Variants in R3HDM2 observed in about 807,000 individuals in gnomAD.
R3HDM2 encodes the protein R3H domain containing 2, also known as R3H domain-containing protein 2.
R3HDM2 carries 38 observed loss-of-function variants against 124.5 expected under a neutral mutation model. The observed-to-expected ratio is 0.31, with a 90% CI of 0.24 to 0.40. The LOEUF is 0.40. Ranked by LOEUF, R3HDM2 falls within the 10% of genes least tolerant of loss-of-function variation. The pLI is 1.00. For synonymous variants in R3HDM2, 391 were observed against 448.0 expected (o/e 0.87, Z 1.61); for missense variants, 869 against 1,236.9 (o/e 0.70, Z 4.46).
chr12:57,383,701 C>A (rs1434515157), intron 2 of R3HDM2, among the ~76,000 whole-genome samples: 2 of 152,058 alleles, frequency 1.3e-5, no homozygotes, highest in Non-Finnish European at 2.9e-5. Flanking sequence ...GACTCCGTCT[C>A]AAAAACAAAC....
At chr12:57,381,494 G>A (rs974293777) in intron 2 of R3HDM2, among the ~76,000 whole-genome samples, 35 of 142,416 alleles carry the variant, frequency 2.5e-4, no homozygotes, top group African/African-American at 8.1e-4. Flanking sequence ...GCAGTGAGCC[G>A]AGATCGTACC....
chr12:57,270,901 TG>T (rs2043457203), intron 14 of R3HDM2, among the ~76,000 whole-genome samples: 1 of 152,148 alleles, frequency 6.6e-6, no homozygotes, highest in African/African-American at 2.4e-5. Flanking sequence ...CCTTGGGAGA[TG>T]GGAGCTATGA....
rs2048074398 is a variant in R3HDM2, at chr12:57,289,236, C to T, written c.907-196G>A. Among the ~76,000 whole-genome samples the T allele has an allele frequency of 2.0e-5, 3 of 152,074 alleles. No homozygotes were observed. The South Asian group carries it at 6.2e-4, about 32-fold the overall frequency. ...ACTTCTCACCTTTAATGAGAAAGAA[C>T]ATCTGGTGGTTTTAGCCTTTGGATA... is the stretch of plus-strand genomic sequence containing the variant. On this transcript the variant is annotated intron_variant, in intron 11 of 23. Coordinates refer to ENST00000402412, the MANE Select transcript of R3HDM2 (RefSeq NM_001394031.1).
At chr12:57,368,572 T>C (rs1033851607) in intron 2 of R3HDM2, among the ~76,000 whole-genome samples, 2 of 152,126 alleles carry the variant, frequency 1.3e-5, no homozygotes, top group African/African-American at 2.4e-5. Context: ...ATTATATCTA[T>C]GTGATGGAGC....
intron 1 of R3HDM2, among the ~76,000 whole-genome samples, chr12:57,411,920 A>G (rs2069040859): frequency 6.6e-6 from 1 of 152,148 alleles, no homozygotes. Context: ...TGTTATTGTG[A>G]TAGTCAGCGA....
chr12:57,305,415 T>C (rs534951445), intron 3 of R3HDM2, among the ~76,000 whole-genome samples: 1 of 152,260 alleles, frequency 6.6e-6, no homozygotes, highest in East Asian at 1.9e-4. Context: ...ATTGAATATA[T>C]ATAAATATAG....
At chr12:57,352,437 A>G (rs2060785604) in intron 2 of R3HDM2, among the ~76,000 whole-genome samples, 1 of 151,722 alleles carries the variant, frequency 6.6e-6, no homozygotes, top group African/African-American at 2.4e-5. Flanking sequence ...CAAAAATGTC[A>G]ATGGAGTTTA....
At chr12:57,304,521 A>C in intron 3 of R3HDM2, 2 of 983,722 alleles carry the variant, frequency 2.0e-6, no homozygotes, top group South Asian at 9.4e-5. Context: ...GGTCTTCTTC[A>C]CTAGTTAGCA....
intron 17 of R3HDM2, 193 bp from the exon 18 acceptor site, chr12:57,268,650 T>C: frequency 5.6e-6 from 4 of 716,496 alleles, no homozygotes; most frequent in Non-Finnish European, 9.0e-6. Flanking sequence ...AATACCACCC[T>C]TGGGCATCTG....
chr12:57,429,414 C>A (rs1389028930), intron 1 of R3HDM2, among the ~76,000 whole-genome samples: 1 of 152,180 alleles, frequency 6.6e-6, no homozygotes. Context: ...TTAATCTAAC[C>A]GGCCACTTTT....
intron 7 of R3HDM2, 52 bp from the exon 8 acceptor site, chr12:57,297,439 C>T (rs1172592536): frequency 3.4e-6 from 4 of 1,175,896 alleles, no homozygotes; most frequent in Non-Finnish European, 3.6e-6. Flanking sequence ...GCAGCCCTCC[C>T]ATAGACATTG....
At chr12:57,350,765 G>A (rs1162373455) in intron 2 of R3HDM2, among the ~76,000 whole-genome samples, 1 of 152,058 alleles carries the variant, frequency 6.6e-6, no homozygotes, top group Non-Finnish European at 1.5e-5. Flanking sequence ...GACCAGCCTG[G>A]GCAACATAGG....
chr12:57,327,997 C>A lies in R3HDM2; in HGVS notation c.-35-17534G>T, dbSNP rs542987068. ...TGCAAGTTCAACTGTGGATAACATG[C>A]TATCAAACTGTACCGTATGCTCTAG... On this transcript the variant is annotated intron_variant, in intron 2 of 23. Transcript: ENST00000402412. Among the ~76,000 whole-genome samples the A allele has an allele frequency of 2.6e-5, 4 of 152,132 alleles. No homozygotes were observed. In the East Asian group the frequency reaches 7.7e-4, roughly 29 times the overall value.
intron 2 of R3HDM2, among the ~76,000 whole-genome samples, chr12:57,361,620 G>T (rs1230130680): frequency 6.6e-6 from 1 of 151,812 alleles, no homozygotes; most frequent in Non-Finnish European, 1.5e-5. Context: ...GGAGTTCAAG[G>T]CTGCGGCGGT....
chr12:57,270,032 T>G (rs1364048010), intron 14 of R3HDM2, 38 bp from the exon 15 acceptor site: 1 of 1,608,744 alleles, frequency 6.2e-7, no homozygotes, highest in African/African-American at 1.3e-5. Context: ...TGGGGCTGTA[T>G]CAAACCTCAT....
chr12:57,325,392 C>T (rs2057162076), intron 2 of R3HDM2, among the ~76,000 whole-genome samples: 1 of 152,140 alleles, frequency 6.6e-6, no homozygotes, highest in Non-Finnish European at 1.5e-5. Flanking sequence ...GTGGGCAGTA[C>T]CTCTTCACTC....
intron 19 of R3HDM2, among the ~76,000 whole-genome samples, chr12:57,260,596 A>G (rs1329278608): frequency 2.0e-5 from 3 of 151,924 alleles, no homozygotes; most frequent in African/African-American, 4.8e-5. Flanking sequence ...CCCGCAAGGG[A>G]TTGTCTAGAG....
At chr12:57,360,178 G>A (rs1034866227) in intron 2 of R3HDM2, among the ~76,000 whole-genome samples, 3 of 150,864 alleles carry the variant, frequency 2.0e-5, no homozygotes, top group Non-Finnish European at 4.4e-5. Flanking sequence ...ACAGGCATGC[G>A]CCACCATGCC....
chr12:57,320,127 G>A (rs1011833218), intron 2 of R3HDM2, among the ~76,000 whole-genome samples: 4 of 151,340 alleles, frequency 2.6e-5, no homozygotes, highest in African/African-American at 9.7e-5. Flanking sequence ...GGGGGTGGTG[G>A]TGCGTGCCTG....
Sources: allele counts gnomAD v4.1 joint callset (sites outside exome capture counted in the v4.1 genomes callset), GRCh38; gene constraint gnomAD v4.1.1; transcripts MANE v1.5; gene names NCBI Gene and HGNC (gene_info 2026-07-23, HGNC 2026-07-21).